Variants in TAOK1 observed in about 807,000 individuals in gnomAD.
TAOK1 encodes TAO kinase 1.
In TAOK1, 21 loss-of-function variants were observed where a neutral mutation model predicts 138.3. That is an observed-to-expected ratio of 0.15 (90% confidence interval 0.11 to 0.22). The LOEUF (loss-of-function observed/expected upper bound fraction) is 0.22. Among genes scored for constraint, TAOK1 ranks in the 10% least tolerant of loss-of-function variants. The pLI is 1.00. For synonymous variants in TAOK1, 361 were observed against 398.4 expected (o/e 0.91, Z 1.12); for missense variants, 651 against 1,227.7 (o/e 0.53, Z 7.02).
At chr17:29,511,105 T>A in intron 15 of TAOK1, 113 bp downstream of exon 15, 2 of 936,346 alleles carry the variant, frequency 2.1e-6, no homozygotes, top group Non-Finnish European at 3.1e-6. Context: ...TTATGGTCAC[T>A]AAATGGGTAT....
At chr17:29,462,023 C>T (rs760772243) in intron 2 of TAOK1, among the ~76,000 whole-genome samples, 3 of 152,152 alleles carry the variant, frequency 2.0e-5, no homozygotes, top group Non-Finnish European at 4.4e-5. Flanking sequence ...CATGCACACA[C>T]TGTTCTGTTG....
chr17:29,447,720 G>A (rs548082084), intron 1 of TAOK1, among the ~76,000 whole-genome samples: 1 of 149,970 alleles, frequency 6.7e-6, no homozygotes, highest in African/African-American at 2.4e-5. Flanking sequence ...GCAATGACAC[G>A]ATCTTGGCTC....
intron 10 of TAOK1, among the ~76,000 whole-genome samples, chr17:29,493,217 G>A (rs551531587): frequency 3.3e-5 from 5 of 151,640 alleles, no homozygotes; most frequent in African/African-American, 9.7e-5. Context: ...AAGAATGGCC[G>A]GGCGCGGTGG....
chr17:29,390,635 C>T lies in TAOK1; in HGVS notation c.-484C>T, dbSNP rs1297078149. 2.0e-5 allele frequency: 3 copies of T among 151,758 alleles called. No homozygotes were observed. Among genetic ancestry groups the T allele is most frequent in the Non-Finnish European group, 4.4e-5 (3 of 68,072 alleles). The allele number at this position is 151,758 out of a possible 1,614,324, so 9.4% of individuals were successfully genotyped here. A position where few individuals can be genotyped will look rare whatever the true frequency, so the allele number is the denominator to read the frequency against. ...GTGGTGTTGGTGGCGGAGGGCTGCG[C>T]GTGGGCCCGCCCGCCGAGGGGCCGC... is the stretch of plus-strand genomic sequence containing the variant. On this transcript the variant is annotated 5_prime_UTR_variant, in exon 1 of 20. Coordinates refer to ENST00000261716, the MANE Select transcript of TAOK1 (RefSeq NM_020791.4).
At chr17:29,423,438 C>T (rs1231730276) in intron 1 of TAOK1, among the ~76,000 whole-genome samples, 1 of 151,600 alleles carries the variant, frequency 6.6e-6, no homozygotes. Flanking sequence ...AGGATGGTCT[C>T]GATCTCCTGA....
chr17:29,452,581 AAAACATTTTCATCACCTG>A (rs1296908892), intron 2 of TAOK1, among the ~76,000 whole-genome samples: 1 of 152,206 alleles, frequency 6.6e-6, no homozygotes, highest in Non-Finnish European at 1.5e-5. Flanking sequence ...ATCTACTTCT[AAAACATTTTCATCACCTG>A]AAATAGAAAC....
intron 12 of TAOK1, among the ~76,000 whole-genome samples, chr17:29,502,144 G>A (rs1388590349): frequency 6.6e-6 from 1 of 152,100 alleles, no homozygotes; most frequent in African/African-American, 2.4e-5. Context: ...TAATTATATT[G>A]AAAATAAAGT....
intron 1 of TAOK1, among the ~76,000 whole-genome samples, chr17:29,396,068 A>T (rs1904592408): frequency 6.6e-6 from 1 of 152,030 alleles, no homozygotes. Context: ...AGTTCATTCC[A>T]TTCTTAAAGT....
At chr17:29,494,846 A>AAAG (rs1567734552) in intron 10 of TAOK1, among the ~76,000 whole-genome samples, 7 of 151,602 alleles carry the variant, frequency 4.6e-5, no homozygotes, top group African/African-American at 1.7e-4. Context: ...AAAAAAAAAA[A>AAAG]AAGAATTCAA....
intron 19 of TAOK1, among the ~76,000 whole-genome samples, chr17:29,534,928 GGTGT>G (rs71138832): frequency 0.03 from 4,464 of 147,280 alleles, 95 homozygotes; most frequent in Non-Finnish European, 0.04. Flanking sequence ...AGGATACTAA[GGTGT>G]GTGTGTGTGT....
At chr17:29,394,937 C>CA (rs888633641) in intron 1 of TAOK1, among the ~76,000 whole-genome samples, 1 of 150,028 alleles carries the variant, frequency 6.7e-6, no homozygotes, top group African/African-American at 2.5e-5. Flanking sequence ...TCTACAAAAA[C>CA]AAATTTTTTT....
intron 1 of TAOK1, among the ~76,000 whole-genome samples, chr17:29,431,875 C>A (rs1905844396): frequency 6.9e-6 from 1 of 145,614 alleles, no homozygotes. Flanking sequence ...GGTGCGATCT[C>A]GGCTCACTGC....
chr17:29,533,012 G>T (rs1312182639), intron 18 of TAOK1, among the ~76,000 whole-genome samples: 1 of 3,328 alleles, frequency 3.0e-4, no homozygotes, highest in Non-Finnish European at 6.9e-4. Context: ...CCAACCGGGC[G>T]GGGGGCTGAC....
intron 16 of TAOK1, among the ~76,000 whole-genome samples, chr17:29,520,002 ACT>A (rs1414771795): frequency 2.6e-5 from 4 of 151,624 alleles, no homozygotes; most frequent in Non-Finnish European, 4.4e-5. Context: ...ACGTGGTAAA[ACT>A]CTATCTCCAC....
At chr17:29,465,837 CTTTTTTTTTTTTTTTTTT>C (rs3058623) in intron 2 of TAOK1, among the ~76,000 whole-genome samples, 2 of 45,434 alleles carry the variant, frequency 4.4e-5, no homozygotes, top group Non-Finnish European at 7.5e-5. Flanking sequence ...AGTTTCTGTG[CTTTTTTTTTTTTTTTTTT>C]TTTTTTTTTC....
intron 1 of TAOK1, among the ~76,000 whole-genome samples, chr17:29,441,793 G>A (rs1460996951): frequency 1.3e-5 from 2 of 151,962 alleles, no homozygotes; most frequent in African/African-American, 4.8e-5. Flanking sequence ...AGCTACTCAG[G>A]AGGCTGAGGC....
At chr17:29,421,124 T>A (rs1422800596) in intron 1 of TAOK1, among the ~76,000 whole-genome samples, 1 of 151,720 alleles carries the variant, frequency 6.6e-6, no homozygotes, top group Non-Finnish European at 1.5e-5. Context: ...GAGACAGGTT[T>A]TCCCCATGTT....
chr17:29,538,006 G>C lies in TAOK1; in HGVS notation c.2544+3706G>C, dbSNP rs2032252209. 2.6e-5 allele frequency among the ~76,000 whole-genome samples: 4 copies of C among 151,938 alleles called. No homozygotes were observed. The South Asian group carries it at 8.3e-4, about 32-fold the overall frequency. On this transcript the variant is annotated intron_variant, in intron 19 of 19. Coordinates refer to ENST00000261716, the MANE Select transcript of TAOK1 (RefSeq NM_020791.4). ...GCGTGCCTGTAATTCCAGCTACTTG[G>C]GAGGCTGAGGCAAGGGAATCGCTTC...
rs559657397 is a variant in TAOK1, at chr17:29,522,796, AG to A, written c.2148+280del. Among the ~76,000 whole-genome samples, 758 of 152,232 alleles carry A rather than the reference AG, an allele frequency of 5.0e-3. 12 individuals are homozygous for A. Among genetic ancestry groups the A allele is most frequent in the African/African-American group, 0.018 (732 of 41,570 alleles). On this transcript the variant is annotated intron_variant, in intron 17 of 19. Transcript: ENST00000261716. ...TCTTGTTTTAAACTTATCCAAGGGC[AG>A]GGTGCAGTGGCTCACGCCTGTAATC...
Sources: allele counts gnomAD v4.1 joint callset (sites outside exome capture counted in the v4.1 genomes callset), GRCh38; gene constraint gnomAD v4.1.1; transcripts MANE v1.5; gene names NCBI Gene and HGNC (gene_info 2026-07-23, HGNC 2026-07-21).